Variants in PDZD2 observed in about 807,000 individuals in gnomAD.
The protein encoded by PDZD2 is PDZ domain containing 2.
Under a neutral mutation model 220.7 loss-of-function variants are expected in PDZD2, and 90 were observed. That is an observed-to-expected ratio of 0.41 (90% CI 0.34 to 0.49). The LOEUF (loss-of-function observed/expected upper bound fraction) is 0.49, where lower values mean the gene tolerates loss of function less well. PDZD2 is among the 20% of genes least tolerant of loss of function. The pLI, the probability that PDZD2 is intolerant of heterozygous loss-of-function variation, is 0.28. For missense variants in PDZD2, 3,174 were observed against 3,608.5 expected, an observed-to-expected ratio of 0.88 and a Z score of 3.08; for synonymous variants, 1,375 against 1,450.5, an observed-to-expected ratio of 0.95 and a Z score of 1.18.
chr5:31,817,550 C>A (rs113938478), intron 2 of PDZD2, among the ~76,000 whole-genome samples: 18,133 of 152,132 alleles, frequency 0.12, 1,294 homozygotes, highest in Non-Finnish European at 0.17. Context: ...ATACTTCTGG[C>A]TTATCACATC....
At chr5:31,731,866 A>T (rs930083258) in intron 1 of PDZD2, among the ~76,000 whole-genome samples, 2 of 152,218 alleles carry the variant, frequency 1.3e-5, no homozygotes, top group Non-Finnish European at 2.9e-5. Flanking sequence ...GCATATACTT[A>T]AGAGTGGAAT....
Position 31,773,658 on chromosome 5 carries a change from T to C in PDZD2, c.-360-25231T>C, listed in dbSNP as rs10062570. Among the ~76,000 whole-genome samples, 1,135 of 152,130 alleles carry C rather than the reference T, an allele frequency of 7.5e-3. 11 individuals carry two copies. Among genetic ancestry groups the C allele is most frequent in the African/African-American group, 0.026 (1,092 of 41,504 alleles). The stretch of plus-strand genomic sequence containing the variant: ...GAGCAAGACTCTGTCTCAAAAAATA[T>C]TTATTTAGATATATTGATTTATCTA... On this transcript the variant is annotated intron_variant, in intron 1 of 24. Coordinates refer to ENST00000438447, the MANE Select transcript of PDZD2 (RefSeq NM_178140.4).
At position 31,833,658 on chromosome 5, in the gene PDZD2, A is replaced by G. The variant is rs10042126; in HGVS notation, c.476+33934A>G. Among the ~76,000 whole-genome samples, 175 of 145,620 alleles carry G rather than the reference A, an allele frequency of 1.2e-3. 1 individual carries two copies. Among genetic ancestry groups the G allele is most frequent in the African/African-American group, 1.4e-3 (54 of 39,312 alleles). ...CTCAAAAAAAAAAAAAAAGAAAAGA[A>G]AAGAAAAAAGAAACAAACAAAGGTG... is the stretch of plus-strand genomic sequence containing the variant. On this transcript the variant is annotated intron_variant, in intron 2 of 24. Coordinates refer to ENST00000438447, the MANE Select transcript of PDZD2 (RefSeq NM_178140.4).
chr5:31,750,248 C>T (rs907223082), intron 1 of PDZD2, among the ~76,000 whole-genome samples: 7 of 152,164 alleles, frequency 4.6e-5, no homozygotes, highest in Non-Finnish European at 1.0e-4. Flanking sequence ...CCGACTTGAT[C>T]TCCACCACCA....
At chr5:31,741,071 CA>C (rs1251537674) in intron 1 of PDZD2, among the ~76,000 whole-genome samples, 1 of 152,006 alleles carries the variant, frequency 6.6e-6, no homozygotes, top group Non-Finnish European at 1.5e-5. Flanking sequence ...TATTTGGGGG[CA>C]AAAAATTGTT....
chr5:32,098,621 G>A lies in PDZD2; in HGVS notation c.8205G>A (p.Leu2735=). The change falls in exon 23 of 25, where the codon CTG becomes CTA. Residue 2735 remains leucine, a synonymous_variant. Transcript: ENST00000438447. This position sits in a 1 kb window ranked among gnomAD's most constrained non-coding sequence, Gnocchi z 4.1. The part of the protein sequence containing the change: ...KGLLSRKTIP[L]EPGIGRSVAV... The stretch of plus-strand genomic sequence containing the variant: ...TGCTGTCCAGAAAGACCATCCCCCT[G>A]GAGCCTGGCATTGGTAAGATGATCA... 34 of 1,613,448 alleles carry A rather than the reference G, an allele frequency of 2.1e-5. No individual in the cohort carries two copies. Among genetic ancestry groups the A allele is most frequent in the Non-Finnish European group, 2.8e-5 (33 of 1,179,660 alleles).
chr5:31,703,378 A>G (rs181743776), intron 1 of PDZD2, among the ~76,000 whole-genome samples: 56 of 152,352 alleles, frequency 3.7e-4, no homozygotes, highest in Non-Finnish European at 2.5e-4. Context: ...ACACAGGAAC[A>G]GAAAACCAAA....
At chr5:31,662,236 G>A (rs528632694) in intron 1 of PDZD2, among the ~76,000 whole-genome samples, 50 of 152,230 alleles carry the variant, frequency 3.3e-4, no homozygotes, top group African/African-American at 1.2e-3. Flanking sequence ...ACTTGAACCC[G>A]GGAGGCAGAG....
intron 2 of PDZD2, among the ~76,000 whole-genome samples, chr5:31,831,365 C>T (rs1756572846): frequency 6.6e-6 from 1 of 152,052 alleles, no homozygotes; most frequent in South Asian, 2.1e-4. Flanking sequence ...CCTGTAATCC[C>T]AGCACTTTGG....
In PDZD2 at chr5:32,083,408, C is replaced by CT. The variant is rs918298194; in HGVS notation, c.3683-3722dup. The CT allele has an allele frequency of 2.6e-4, 39 of 152,346 alleles. No individual in the cohort carries two copies. In the Middle Eastern group the frequency reaches 0.01, roughly 40 times the overall value. The allele number at this position is 152,346 out of a possible 1,614,324, so 9.4% of individuals were successfully genotyped here. On this transcript the variant is annotated intron_variant, in intron 19 of 24. Transcript: ENST00000438447. The surrounding 1 kb of genome is among the most constrained non-coding windows in gnomAD (Gnocchi z 4.1). ...TACTCTAGGAAACCGCACTGCTATCCTGCAGGCTCTTCTACACCCGACATC... is the reference window on the plus strand; with the variant it reads ...TACTCTAGGAAACCGCACTGCTATCCTTGCAGGCTCTTCTACACCCGACATC...
At chr5:31,686,673 T>A (rs767975157) in intron 1 of PDZD2, among the ~76,000 whole-genome samples, 11 of 152,334 alleles carry the variant, frequency 7.2e-5, no homozygotes, top group Non-Finnish European at 1.3e-4. Flanking sequence ...GGCCAATATA[T>A]ATATTTCTTA....
At chr5:32,032,977 A>G (rs1366231702) in intron 6 of PDZD2, among the ~76,000 whole-genome samples, 2 of 152,226 alleles carry the variant, frequency 1.3e-5, no homozygotes, top group African/African-American at 2.4e-5. Flanking sequence ...GGAAGGCTCT[A>G]CCATGGAAAT....
intron 1 of PDZD2, among the ~76,000 whole-genome samples, chr5:31,641,253 A>G (rs368011030): frequency 1.2e-4 from 18 of 152,334 alleles, no homozygotes; most frequent in African/African-American, 4.1e-4. Context: ...ACCAGTGCAC[A>G]TGCTGCATGT....
At chr5:31,761,150 G>A (rs776734727) in intron 1 of PDZD2, among the ~76,000 whole-genome samples, 28 of 152,068 alleles carry the variant, frequency 1.8e-4, no homozygotes, top group Non-Finnish European at 3.4e-4. Context: ...TTGAATATCA[G>A]GATGGAAAAT....
chr5:31,701,205 A>ATT (rs11447721), intron 1 of PDZD2, among the ~76,000 whole-genome samples: 26 of 131,344 alleles, frequency 2.0e-4, no homozygotes, highest in Non-Finnish European at 3.0e-4. Context: ...ATATATATAT[A>ATT]TTTTTTTTTG....
At chr5:31,707,446 A>C (rs183401182) in intron 1 of PDZD2, among the ~76,000 whole-genome samples, 1 of 152,284 alleles carries the variant, frequency 6.6e-6, no homozygotes, top group East Asian at 1.9e-4. Context: ...ACAAGCCAGG[A>C]GGAGCCGCCT....
intron 2 of PDZD2, among the ~76,000 whole-genome samples, chr5:31,900,699 A>G (rs981933113): frequency 2.0e-5 from 3 of 152,200 alleles, no homozygotes; most frequent in African/African-American, 7.2e-5. Context: ...TGGGAGGCTG[A>G]AGATAGAAAA....
chr5:32,078,891 T>C (rs1741623835), intron 19 of PDZD2, among the ~76,000 whole-genome samples: 1 of 151,922 alleles, frequency 6.6e-6, no homozygotes, highest in Admixed American at 6.6e-5. Flanking sequence ...AATAATATTG[T>C]AAAACATGAT....
At position 32,087,783 on chromosome 5, in the gene PDZD2, G is replaced by T; in HGVS notation, c.4335G>T (p.Gln1445His). 2 of 1,613,916 alleles carry T rather than the reference G, an allele frequency of 1.2e-6. No individual in the cohort carries two copies. Among genetic ancestry groups the T allele is most frequent in the Non-Finnish European group, 1.7e-6 (2 of 1,179,984 alleles). ...DASAARSPSS[Q>H]TGDSGSQEGS... ...CTGCAGCAAGGTCTCCGTCTTCCCAGACGGGGGACAGTGGCTCTCAGGAGG... is the reference window on the plus strand; with the variant it reads ...CTGCAGCAAGGTCTCCGTCTTCCCATACGGGGGACAGTGGCTCTCAGGAGG... The change falls in exon 20 of 25, where the codon CAG becomes CAT. Residue 1445 changes from glutamine (Q) to histidine (H), a missense_variant. Coordinates refer to ENST00000438447, the MANE Select transcript of PDZD2 (RefSeq NM_178140.4). This position sits in a 1 kb window ranked among gnomAD's most constrained non-coding sequence, Gnocchi z 4.0.
Sources: gnomAD v4.1 joint callset for allele counts (sites outside exome capture counted in the v4.1 genomes callset) on GRCh38, gnomAD v4.1.1 for gene constraint, Gnocchi (gnomAD v3.1) non-coding constraint, MANE v1.5 for transcripts, NCBI Gene and HGNC (gene_info 2026-07-23, HGNC 2026-07-21) for gene names.